Variants in PTPN3 observed in about 807,000 individuals in gnomAD.
The protein encoded by PTPN3 is tyrosine-protein phosphatase non-receptor type 3.
Under a neutral mutation model 132.7 loss-of-function variants are expected in PTPN3, and 96 were observed. The observed-to-expected ratio is 0.72, with a 90% CI of 0.61 to 0.86. The LOEUF (loss-of-function observed/expected upper bound fraction) is 0.86, where lower values mean the gene tolerates loss of function less well. PTPN3 is among the 40% of genes least tolerant of loss of function. PTPN3 has a pLI of 0.00. For missense variants in PTPN3, 1,125 were observed against 1,159.6 expected, an observed-to-expected ratio of 0.97 and a Z score of 0.43; for synonymous variants, 398 against 429.0, an observed-to-expected ratio of 0.93 and a Z score of 0.89.
rs78651225 is a variant in PTPN3, at chr9:109,461,275, A to G, written c.138+2022T>C. 4.0e-3 allele frequency among the ~76,000 whole-genome samples: 607 copies of G among 152,326 alleles called. 5 individuals carry two copies. The highest frequency in any genetic ancestry group is 0.014 in the African/African-American group (596 of 41,568). On this transcript the variant is annotated intron_variant, in intron 2 of 25. Coordinates refer to ENST00000374541, the MANE Select transcript of PTPN3 (RefSeq NM_002829.4). ...AGACAACTCGGGGAGCCATTACAAT[A>G]CAGATTCTCAGGCCCCACCCCACAG...
the PTPN3 span, among the ~76,000 whole-genome samples, chr9:109,525,144 C>G: frequency 2.6e-5 from 4 of 152,132 alleles, no homozygotes; most frequent in Non-Finnish European, 4.4e-5. Flanking sequence ...CTTGACCCCT[C>G]TGGCTCAAGT....
chr9:109,459,428 C>A (rs1041507761), intron 2 of PTPN3, among the ~76,000 whole-genome samples: 1 of 152,270 alleles, frequency 6.6e-6, no homozygotes, highest in African/African-American at 2.4e-5. Flanking sequence ...CCTCCAACTT[C>A]TCAAGTTCCA....
At chr9:109,450,706 C>A (rs979968256) in intron 5 of PTPN3, 77 of 985,144 alleles carry the variant, frequency 7.8e-5, no homozygotes, top group Non-Finnish European at 8.9e-5. Context: ...TGTGGAGGCT[C>A]ACAATGAAGA....
chr9:109,510,576 A>AAATATATATAT, the PTPN3 span, among the ~76,000 whole-genome samples: 1 of 47,330 alleles, frequency 2.1e-5, no homozygotes, highest in African/African-American at 7.5e-5. Flanking sequence ...AAAAAAAAAA[A>AAATATATATAT]ATATATATAT....
chr9:109,493,222 C>T (rs542130762), intron 1 of PTPN3, among the ~76,000 whole-genome samples: 47 of 152,210 alleles, frequency 3.1e-4, no homozygotes, highest in African/African-American at 1.1e-3. Context: ...GGCAACATGG[C>T]GAGACCCTTT....
At chr9:109,428,824 G>A (rs1843462839) in intron 10 of PTPN3, 140 bp from the exon 11 acceptor site, 2 of 1,431,272 alleles carry the variant, frequency 1.4e-6, no homozygotes, top group Admixed American at 2.7e-5. Flanking sequence ...CTTCTCTGTA[G>A]AAATGATGGC....
the PTPN3 span, among the ~76,000 whole-genome samples, chr9:109,528,212 G>T: frequency 6.6e-6 from 1 of 152,174 alleles, no homozygotes; most frequent in Admixed American, 6.5e-5. Context: ...GAAATCTTAT[G>T]TCCAAACAAT....
rs775346971 is a variant in PTPN3, at chr9:109,391,467, T to C, written c.2044+4A>G. On this transcript the variant is annotated splice_donor_region_variant and intron_variant, in intron 20 of 25. Coordinates refer to ENST00000374541, the MANE Select transcript of PTPN3 (RefSeq NM_002829.4). ...GGAAGGAGGCATTCATGCCGGATAC[T>C]CACAAGGCAGCACATCTTTATATCG... is the stretch of plus-strand genomic sequence containing the variant. 6.2e-7 allele frequency: 1 copy of C among 1,608,734 alleles called. No homozygotes were observed. The highest frequency in any genetic ancestry group is 8.5e-7 in the Non-Finnish European group (1 of 1,175,312).
At chr9:109,428,963 C>A in intron 10 of PTPN3, 1 of 985,414 alleles carries the variant, frequency 1.0e-6, no homozygotes, top group Non-Finnish European at 1.2e-6. Flanking sequence ...CTATAAGCTG[C>A]TTTTGTGGCA....
Position 109,381,769 on chromosome 9 carries a change from G to T in PTPN3, c.2547C>A (p.Thr849=), listed in dbSNP as rs749013475. ...CTGTTTCCATAGTGACCAACACACC[G>T]GTTCGACCTATTCCAGCACTGGAGA... The part of the protein sequence containing the change: ...LVHCSAGIGR[T]GVLVTMETAM... The change falls in exon 25 of 26, where the codon ACC becomes ACA. Residue 849 remains threonine, a synonymous_variant. Coordinates refer to ENST00000374541, the MANE Select transcript of PTPN3 (RefSeq NM_002829.4). The T allele has an allele frequency of 6.2e-7, 1 of 1,614,234 alleles. No individual in the cohort carries two copies. Among genetic ancestry groups the T allele is most frequent in the East Asian group, 2.2e-5 (1 of 44,886 alleles).
At chr9:109,536,089 G>A in the PTPN3 span, among the ~76,000 whole-genome samples, 1 of 152,060 alleles carries the variant, frequency 6.6e-6, no homozygotes, top group Non-Finnish European at 1.5e-5. Flanking sequence ...GCCTATTCTG[G>A]ATATTTCATA....
the PTPN3 span, among the ~76,000 whole-genome samples, chr9:109,519,288 C>T: frequency 6.6e-6 from 1 of 152,212 alleles, no homozygotes; most frequent in South Asian, 2.1e-4. Flanking sequence ...GATACCAATA[C>T]TTCATTATAA....
the PTPN3 span, among the ~76,000 whole-genome samples, chr9:109,525,026 G>A: frequency 6.6e-6 from 1 of 152,162 alleles, no homozygotes; most frequent in Non-Finnish European, 1.5e-5. Context: ...GATTACAGGT[G>A]TGAGCCACCT....
chr9:109,389,710 G>A (rs796541210), intron 21 of PTPN3, among the ~76,000 whole-genome samples: 4 of 152,150 alleles, frequency 2.6e-5, no homozygotes, highest in African/African-American at 4.8e-5. Flanking sequence ...ATTTTCAGCC[G>A]TATGTACCAA....
chr9:109,480,641 T>C (rs1846912662), intron 1 of PTPN3, among the ~76,000 whole-genome samples: 1 of 152,194 alleles, frequency 6.6e-6, no homozygotes, highest in African/African-American at 2.4e-5. Flanking sequence ...TATGTTTTCT[T>C]CTAGGAGTTT....
chr9:109,391,871 G>GT (rs1491376166), intron 19 of PTPN3, among the ~76,000 whole-genome samples: 1 of 16,444 alleles, frequency 6.1e-5, no homozygotes, highest in East Asian at 1.7e-3. Flanking sequence ...AACTAGATGT[G>GT]GGGGGGGGGG....
At chr9:109,427,709 A>C (rs75332500) in intron 11 of PTPN3, among the ~76,000 whole-genome samples, 262 of 152,338 alleles carry the variant, frequency 1.7e-3, no homozygotes, top group African/African-American at 5.9e-3. Context: ...AGGGGTCAGG[A>C]GATCCAGATT....
upstream of PTPN3, among the ~76,000 whole-genome samples, chr9:109,499,482 GTTTAA>G (rs1478880787): frequency 6.6e-6 from 1 of 152,198 alleles, no homozygotes; most frequent in Non-Finnish European, 1.5e-5. Flanking sequence ...CCTCCGATTT[GTTTAA>G]TTCTCATGTT....
chr9:109,441,037 A>T (rs1004690643), intron 7 of PTPN3, among the ~76,000 whole-genome samples: 1 of 152,196 alleles, frequency 6.6e-6, no homozygotes, highest in African/African-American at 2.4e-5. Flanking sequence ...CCCACTAAAC[A>T]CATAAGGAAA....
Sources: allele counts gnomAD v4.1 joint callset (sites outside exome capture counted in the v4.1 genomes callset), GRCh38; gene constraint gnomAD v4.1.1; transcripts MANE v1.5; gene names NCBI Gene and HGNC (gene_info 2026-07-23, HGNC 2026-07-21).